Variants in ADCY2 observed in about 807,000 individuals in gnomAD.
The protein encoded by ADCY2 is adenylate cyclase type 2.
A neutral mutation model predicts 125.2 loss-of-function variants in ADCY2; 31 were observed. That is an observed-to-expected ratio of 0.25 (90% CI 0.19 to 0.33). The LOEUF is 0.33. Ranked by LOEUF, ADCY2 falls within the 10% of genes least tolerant of loss-of-function variation. The probability of loss-of-function intolerance (pLI) is 1.00; values close to 1 mark genes in which losing one functional copy is unlikely to be tolerated. For synonymous variants in ADCY2, 512 were observed against 548.4 expected (o/e 0.93, Z 0.93); for missense variants, 904 against 1,418.2 (o/e 0.64, Z 5.82).
intron 3 of ADCY2, among the ~76,000 whole-genome samples, chr5:7,521,975 G>A (rs1744460602): frequency 6.6e-6 from 1 of 152,094 alleles, no homozygotes; most frequent in Non-Finnish European, 1.5e-5. Flanking sequence ...GGCTTGTTTG[G>A]ATATTACTAA....
At chr5:7,422,306 G>A (rs1740233472) in intron 2 of ADCY2, among the ~76,000 whole-genome samples, 1 of 151,976 alleles carries the variant, frequency 6.6e-6, no homozygotes, top group African/African-American at 2.4e-5. Context: ...CTCCCAAAGT[G>A]TTGGGATTGC....
At chr5:7,718,786 A>C (rs1294009434) in intron 12 of ADCY2, among the ~76,000 whole-genome samples, 2 of 152,082 alleles carry the variant, frequency 1.3e-5, no homozygotes, top group African/African-American at 4.8e-5. Flanking sequence ...CCTCTGCCTC[A>C]AACTGTCACA....
chr5:7,622,258 A>T, intron 3 of ADCY2, among the ~76,000 whole-genome samples: 1 of 152,218 alleles, frequency 6.6e-6, no homozygotes, highest in Non-Finnish European at 1.5e-5. Flanking sequence ...CATTCCATGC[A>T]TGCATCATTT....
intron 4 of ADCY2, among the ~76,000 whole-genome samples, chr5:7,674,053 G>T (rs544764406): frequency 1.5e-5 from 2 of 131,426 alleles, no homozygotes; most frequent in East Asian, 4.7e-4. Context: ...GCTGGCAGGG[G>T]CCTCAGAGGG....
intron 2 of ADCY2, among the ~76,000 whole-genome samples, chr5:7,448,940 G>A (rs572044506): frequency 6.6e-6 from 1 of 152,238 alleles, no homozygotes; most frequent in South Asian, 2.1e-4. Context: ...ATGGACATAT[G>A]TGTGTATGTA....
chr5:7,718,761 T>A (rs1441538102), intron 12 of ADCY2, among the ~76,000 whole-genome samples: 1 of 152,140 alleles, frequency 6.6e-6, no homozygotes, highest in East Asian at 1.9e-4. Context: ...AGGGTCAGTG[T>A]GAAAAACAAC....
At chr5:7,778,047 T>C (rs1462571251) in intron 18 of ADCY2, among the ~76,000 whole-genome samples, 1 of 152,196 alleles carries the variant, frequency 6.6e-6, no homozygotes, top group African/African-American at 2.4e-5. Flanking sequence ...TGTCTGTGAA[T>C]TGATCAATAA....
intron 13 of ADCY2, among the ~76,000 whole-genome samples, chr5:7,725,341 G>T (rs1371693736): frequency 6.6e-6 from 1 of 152,132 alleles, no homozygotes; most frequent in Admixed American, 6.5e-5. Flanking sequence ...TTACATTAAT[G>T]GTAGCATTCG....
intron 4 of ADCY2, among the ~76,000 whole-genome samples, chr5:7,673,928 C>T (rs1320855802): frequency 1.3e-5 from 2 of 152,148 alleles, no homozygotes; most frequent in Non-Finnish European, 2.9e-5. Flanking sequence ...GATAAACTTA[C>T]GTTGTCAGGG....
chr5:7,440,602 C>T (rs950012369), intron 2 of ADCY2, among the ~76,000 whole-genome samples: 7 of 152,064 alleles, frequency 4.6e-5, no homozygotes, highest in Non-Finnish European at 8.8e-5. Context: ...CTTCCAGAGT[C>T]CCCCAAACAC....
chr5:7,714,768 T>C (rs1027760641), intron 11 of ADCY2, among the ~76,000 whole-genome samples: 3 of 152,266 alleles, frequency 2.0e-5, no homozygotes, highest in Non-Finnish European at 2.9e-5. Context: ...TGAGTCAGAC[T>C]TACCCAGGAT....
chr5:7,500,952 C>A (rs2126503167), intron 2 of ADCY2, among the ~76,000 whole-genome samples: 1 of 152,206 alleles, frequency 6.6e-6, no homozygotes, highest in African/African-American at 2.4e-5. Context: ...CAAGCTTCAT[C>A]AACAGGGAGA....
Position 7,396,217 on chromosome 5 carries a change from G to C in ADCY2, c.-80G>C. On this transcript the variant is annotated 5_prime_UTR_variant, in exon 1 of 25. Transcript: ENST00000338316. This position sits in a 1 kb window ranked among gnomAD's most constrained non-coding sequence, Gnocchi z 5.7. The stretch of plus-strand genomic sequence containing the variant: ...GCAGCCGGGCCGGCCGAGGCGGCGC[G>C]GGGGTGGGACGCGGGCGGCCGCGGC... 5 of 817,322 alleles carry C rather than the reference G, an allele frequency of 6.1e-6. No homozygotes were observed. Among genetic ancestry groups the C allele is most frequent in the African/African-American group, 1.9e-5 (1 of 53,216 alleles). 50.6% of individuals were successfully genotyped at this position (817,322 alleles called of 1,614,324 possible).
chr5:7,738,657 T>C (rs555679098), intron 14 of ADCY2, among the ~76,000 whole-genome samples: 81 of 152,126 alleles, frequency 5.3e-4, no homozygotes, highest in African/African-American at 1.9e-3. Context: ...AAATACAAGT[T>C]AGGTAGCTTG....
At chr5:7,626,461 C>CT in intron 4 of ADCY2, 145 bp downstream of exon 4, 1 of 853,470 alleles carries the variant, frequency 1.2e-6, no homozygotes, top group Non-Finnish European at 1.8e-6. Flanking sequence ...TGGGGAGTGT[C>CT]TTAGTCTGCT....
chr5:7,568,599 A>T (rs1375709366), intron 3 of ADCY2, among the ~76,000 whole-genome samples: 4 of 152,158 alleles, frequency 2.6e-5, no homozygotes, highest in Non-Finnish European at 4.4e-5. Flanking sequence ...TTGGCTTCTA[A>T]TAAAGGCAAT....
intron 4 of ADCY2, among the ~76,000 whole-genome samples, chr5:7,656,047 TC>T: frequency 6.7e-6 from 1 of 150,084 alleles, no homozygotes; most frequent in South Asian, 2.1e-4. Flanking sequence ...TAGGTTTTTT[TC>T]ATTTTCTTTT....
At chr5:7,740,052 T>A (rs2126424886) in intron 14 of ADCY2, among the ~76,000 whole-genome samples, 1 of 152,052 alleles carries the variant, frequency 6.6e-6, no homozygotes, top group South Asian at 2.1e-4. Flanking sequence ...AATGTCTTAT[T>A]CATGGAAAGA....
At chr5:7,693,013 A>G (rs1476367372) in intron 5 of ADCY2, among the ~76,000 whole-genome samples, 1 of 152,072 alleles carries the variant, frequency 6.6e-6, no homozygotes, top group African/African-American at 2.4e-5. Flanking sequence ...CTTCCTCTAC[A>G]CACTTGTTTT....
Sources: allele counts gnomAD v4.1 joint callset (sites outside exome capture counted in the v4.1 genomes callset), GRCh38; gene constraint gnomAD v4.1.1; non-coding constraint Gnocchi (gnomAD v3.1); transcripts MANE v1.5; gene names NCBI Gene and HGNC (gene_info 2026-07-23, HGNC 2026-07-21).